ELP1: variants seen among roughly 807,000 people sequenced by gnomAD.
The protein encoded by ELP1 is elongator complex protein 1.
Under a neutral mutation model 183.2 loss-of-function variants are expected in ELP1, and 131 were observed. That is an observed-to-expected ratio of 0.72 (90% CI 0.62 to 0.83). The LOEUF (loss-of-function observed/expected upper bound fraction) is 0.83, where lower values mean the gene tolerates loss of function less well. Among genes scored for constraint, ELP1 ranks in the 40% least tolerant of loss-of-function variants. The pLI is 0.00. For missense variants in ELP1, 1,550 were observed against 1,594.9 expected, an observed-to-expected ratio of 0.97 and a Z score of 0.48; for synonymous variants, 555 against 569.0, an observed-to-expected ratio of 0.98 and a Z score of 0.35.
intron 25 of ELP1, among the ~76,000 whole-genome samples, chr9:108,894,864 C>T (rs923190743): frequency 6.6e-6 from 1 of 152,180 alleles, no homozygotes; most frequent in Non-Finnish European, 1.5e-5. Flanking sequence ...GCCCTGTAAG[C>T]AAATTGTTTT....
At chr9:108,915,046 AT>A (rs1355138446) in intron 10 of ELP1, among the ~76,000 whole-genome samples, 1 of 152,108 alleles carries the variant, frequency 6.6e-6, no homozygotes, top group African/African-American at 2.4e-5. Flanking sequence ...GAACTATGAG[AT>A]TTTTTTCTCA....
At chr9:108,870,716 A>C (rs1827417902) in intron 36 of ELP1, among the ~76,000 whole-genome samples, 1 of 152,178 alleles carries the variant, frequency 6.6e-6, no homozygotes, top group South Asian at 2.1e-4. Flanking sequence ...AGTTTCTTTT[A>C]GTTTCAGTGC....
intron 36 of ELP1, among the ~76,000 whole-genome samples, chr9:108,869,617 G>A (rs1564204477): frequency 1.3e-5 from 2 of 152,104 alleles, no homozygotes. Flanking sequence ...TAATGGACAG[G>A]AACTACTTTA....
rs531207738 is a variant in ELP1 at position 108,902,253 on chromosome 9, G to T, written c.1855-572C>A. On this transcript the variant is annotated intron_variant, in intron 16 of 36. Coordinates refer to ENST00000374647, the MANE Select transcript of ELP1 (RefSeq NM_003640.5). The stretch of plus-strand genomic sequence containing the variant: ...TCTCAGCACACACATCACTGCCTCC[G>T]AGAGGCCTTCCTGGACCACCAGATG... Among the ~76,000 whole-genome samples the T allele has an allele frequency of 2.6e-5, 4 of 152,048 alleles. No homozygotes were observed. The South Asian group carries it at 8.4e-4, about 32-fold the overall frequency.
At chr9:108,876,388 T>A (rs1041671510) in intron 35 of ELP1, among the ~76,000 whole-genome samples, 1 of 152,250 alleles carries the variant, frequency 6.6e-6, no homozygotes, top group Non-Finnish European at 1.5e-5. Flanking sequence ...TGATTCCTAG[T>A]TGCTTTTATT....
intron 31 of ELP1, among the ~76,000 whole-genome samples, chr9:108,881,065 T>C (rs557761397): frequency 3.9e-5 from 6 of 152,342 alleles, no homozygotes; most frequent in African/African-American, 1.2e-4. Flanking sequence ...CTGAGTATTC[T>C]AGAACTGGTA....
chr9:108,902,472 A>G (rs1828845866), intron 16 of ELP1, among the ~76,000 whole-genome samples: 1 of 152,244 alleles, frequency 6.6e-6, no homozygotes, highest in Non-Finnish European at 1.5e-5. Context: ...GCATTCTACC[A>G]TCCACCACAA....
At chr9:108,874,832 A>T in intron 36 of ELP1, 63 bp downstream of exon 36, 2 of 1,114,888 alleles carry the variant, frequency 1.8e-6, no homozygotes, top group East Asian at 2.4e-5. Flanking sequence ...GATCTTCTCA[A>T]TACTTACAGA....
chr9:108,874,874 T>C (rs1564208753), intron 36 of ELP1, 21 bp downstream of exon 36: 2 of 1,495,092 alleles, frequency 1.3e-6, no homozygotes, highest in Non-Finnish European at 1.9e-6. Context: ...ATTGTAATAT[T>C]AAATGAGAAA....
chr9:108,903,842 C>G (rs1202531081), intron 14 of ELP1, among the ~76,000 whole-genome samples, 173 bp from the exon 15 acceptor site: 1 of 152,016 alleles, frequency 6.6e-6, no homozygotes, highest in Non-Finnish European at 1.5e-5. Context: ...CACACACACA[C>G]ACACACACAC....
At chr9:108,927,999 T>C (rs1829873565) in intron 3 of ELP1, among the ~76,000 whole-genome samples, 1 of 152,200 alleles carries the variant, frequency 6.6e-6, no homozygotes, top group South Asian at 2.1e-4. Flanking sequence ...CAGTCAACAG[T>C]AATTGCACAT....
At chr9:108,900,023 G>C (rs1828707260) in intron 19 of ELP1, 128 bp from the exon 20 acceptor site, 3 of 869,112 alleles carry the variant, frequency 3.5e-6, no homozygotes, top group Non-Finnish European at 5.6e-6. Flanking sequence ...ACTTTTAGCA[G>C]AATCTTGTTG....
chr9:108,882,271 C>T, intron 29 of ELP1, 84 bp from the exon 30 acceptor site: 1 of 1,124,436 alleles, frequency 8.9e-7, no homozygotes, highest in South Asian at 1.3e-5. Flanking sequence ...AACCACAGAC[C>T]TGCCTCTATC....
intron 6 of ELP1, among the ~76,000 whole-genome samples, chr9:108,919,744 C>A (rs1213675359): frequency 6.6e-6 from 1 of 152,086 alleles, no homozygotes; most frequent in Admixed American, 6.6e-5. Flanking sequence ...CACAACAGGG[C>A]ACAGATGAGT....
chr9:108,872,112 G>A (rs1302784355), intron 36 of ELP1, among the ~76,000 whole-genome samples: 1 of 152,114 alleles, frequency 6.6e-6, no homozygotes, highest in African/African-American at 2.4e-5. Flanking sequence ...TAAGGTTTAC[G>A]ATATTACATT....
chr9:108,878,571 CCTATT>C (rs1489043865), intron 34 of ELP1, 47 bp downstream of exon 34: 19 of 1,611,626 alleles, frequency 1.2e-5, no homozygotes, highest in African/African-American at 2.7e-5. Flanking sequence ...GTCTGTACTG[CCTATT>C]CACTATTGTT....
At chr9:108,888,923 A>G (rs1828222647) in intron 29 of ELP1, among the ~76,000 whole-genome samples, 1 of 152,222 alleles carries the variant, frequency 6.6e-6, no homozygotes, top group Non-Finnish European at 1.5e-5. Flanking sequence ...CTGTACCTCC[A>G]GGTCCCTGAG....
chr9:108,880,392 G>T (rs1436600788), intron 31 of ELP1, among the ~76,000 whole-genome samples: 1 of 150,662 alleles, frequency 6.6e-6, no homozygotes, highest in East Asian at 2.0e-4. Context: ...CACTGAACTT[G>T]TAAAATCACC....
Position 108,900,259 on chromosome 9 carries a change from C to T in ELP1, c.2130+1G>A. 6.2e-7 allele frequency: 1 copy of T among 1,605,558 alleles called. No individual in the cohort carries two copies. Among genetic ancestry groups the T allele is most frequent in the Non-Finnish European group, 8.5e-7 (1 of 1,172,150 alleles). On this transcript the variant is annotated splice_donor_variant, in intron 19 of 36. Coordinates refer to ENST00000374647, the MANE Select transcript of ELP1 (RefSeq NM_003640.5). LOFTEE classifies it high-confidence loss of function. ...CTATCTTGTCTGAAAAACCAGCTTA[C>T]CTGTAATACAAGCTTTGTGTCCTGG...
Sources: allele counts gnomAD v4.1 joint callset (sites outside exome capture counted in the v4.1 genomes callset), GRCh38; gene constraint gnomAD v4.1.1; transcripts MANE v1.5; gene names NCBI Gene and HGNC (gene_info 2026-07-23, HGNC 2026-07-21).